The following SLC44A5 variants were observed in gnomAD, a reference collection of about 807,000 sequenced individuals.
SLC44A5 encodes solute carrier family 44 member 5, also known as choline transporter-like protein 5.
In SLC44A5, 57 loss-of-function variants were observed where a neutral mutation model predicts 101.8. The ratio of observed to expected loss-of-function variants is 0.56; its 90% confidence interval spans 0.45 to 0.70. The LOEUF is 0.70. SLC44A5 is among the 30% of genes least tolerant of loss of function. The pLI, the probability that SLC44A5 is intolerant of heterozygous loss-of-function variation, is 0.00. For synonymous variants in SLC44A5, 281 were observed against 290.9 expected (o/e 0.97, Z 0.35); for missense variants, 737 against 853.1 (o/e 0.86, Z 1.70).
the SLC44A5 span, among the ~76,000 whole-genome samples, chr1:75,634,777 C>G: frequency 1.5e-4 from 23 of 151,926 alleles, no homozygotes; most frequent in East Asian, 2.7e-3. Context: ...TCTAAAACAC[C>G]AAAAGCAATG....
chr1:75,252,008 T>A (rs1410476242), intron 6 of SLC44A5, among the ~76,000 whole-genome samples: 2 of 152,188 alleles, frequency 1.3e-5, no homozygotes, highest in Non-Finnish European at 2.9e-5. Context: ...TGGGAGGGCC[T>A]AAGATAATGC....
chr1:75,575,028 AT>A (rs1475650244), intron 1 of SLC44A5, among the ~76,000 whole-genome samples: 1 of 152,234 alleles, frequency 6.6e-6, no homozygotes, highest in East Asian at 1.9e-4. Context: ...TATCACTCCT[AT>A]TTTCTAGAGG....
intron 3 of SLC44A5, among the ~76,000 whole-genome samples, chr1:75,356,585 A>G (rs763736381): frequency 8.5e-5 from 13 of 152,102 alleles, no homozygotes; most frequent in Non-Finnish European, 1.8e-4. Context: ...TTAATTTATT[A>G]TATATTATAC....
chr1:75,665,903 C>T, the SLC44A5 span, among the ~76,000 whole-genome samples: 2 of 152,048 alleles, frequency 1.3e-5, no homozygotes, highest in Non-Finnish European at 1.5e-5. Flanking sequence ...AAATGCACAT[C>T]AAAACCACAA....
intron 3 of SLC44A5, among the ~76,000 whole-genome samples, chr1:75,376,728 G>C (rs1660648266): frequency 6.6e-6 from 1 of 152,052 alleles, no homozygotes; most frequent in Admixed American, 6.6e-5. Context: ...CAAAGATGGG[G>C]AAAAAACAGA....
intron 5 of SLC44A5, among the ~76,000 whole-genome samples, chr1:75,281,564 A>C (rs1652557249): frequency 6.8e-6 from 1 of 146,576 alleles, no homozygotes; most frequent in African/African-American, 2.5e-5. Flanking sequence ...CATGTCAAAG[A>C]CTTGAAAGGC....
chr1:75,340,662 T>C (rs938842504), intron 3 of SLC44A5, among the ~76,000 whole-genome samples: 4 of 152,200 alleles, frequency 2.6e-5, no homozygotes, highest in Admixed American at 2.6e-4. Context: ...TCTTTAGTAG[T>C]GACATTTCTT....
intron 5 of SLC44A5, among the ~76,000 whole-genome samples, chr1:75,285,911 G>A (rs2100800481): frequency 6.6e-6 from 1 of 152,186 alleles, no homozygotes; most frequent in Non-Finnish European, 1.5e-5. Flanking sequence ...CTTGGAGAAT[G>A]TTCCATGTGC....
the SLC44A5 span, among the ~76,000 whole-genome samples, chr1:75,658,570 T>C: frequency 0.26 from 39,275 of 152,008 alleles, 5,424 homozygotes; most frequent in Middle Eastern, 0.36. Context: ...ACAACATTTC[T>C]TGAGACAAAT....
intron 4 of SLC44A5, among the ~76,000 whole-genome samples, chr1:75,316,963 G>A (rs1363183117): frequency 6.6e-6 from 1 of 152,138 alleles, no homozygotes; most frequent in Non-Finnish European, 1.5e-5. Flanking sequence ...AGCAATCAGA[G>A]GGCAAATCAT....
At chr1:75,376,890 G>A (rs1342018224) in intron 3 of SLC44A5, among the ~76,000 whole-genome samples, 5 of 152,072 alleles carry the variant, frequency 3.3e-5, no homozygotes, top group Admixed American at 6.5e-5. Flanking sequence ...AGCTACGGGA[G>A]GACATTCAAA....
intron 2 of SLC44A5, among the ~76,000 whole-genome samples, chr1:75,428,244 T>A (rs1339334669): frequency 6.6e-6 from 1 of 152,234 alleles, no homozygotes. Context: ...GCATGGCAAT[T>A]ATCTGGATAT....
intron 4 of SLC44A5, among the ~76,000 whole-genome samples, chr1:75,314,848 A>G (rs1256810787): frequency 6.6e-6 from 1 of 152,196 alleles, no homozygotes; most frequent in East Asian, 1.9e-4. Flanking sequence ...GAGTTTTCCT[A>G]GAAGAATAAA....
the SLC44A5 span, among the ~76,000 whole-genome samples, chr1:75,616,140 G>T: frequency 6.6e-6 from 1 of 151,622 alleles, no homozygotes; most frequent in Non-Finnish European, 1.5e-5. Context: ...TGGCTGCTGC[G>T]GCGGCGGCGG....
chr1:75,383,093 G>A (rs1212737571), intron 3 of SLC44A5, among the ~76,000 whole-genome samples: 2 of 12,872 alleles, frequency 1.6e-4, no homozygotes, highest in African/African-American at 3.7e-4. Flanking sequence ...TGGGACCTGC[G>A]GGCAGCAATA....
intron 3 of SLC44A5, among the ~76,000 whole-genome samples, chr1:75,346,777 A>T (rs1287619681): frequency 6.6e-6 from 1 of 152,154 alleles, no homozygotes; most frequent in Admixed American, 6.6e-5. Flanking sequence ...CTCAAAAAAA[A>T]AGACCTATGA....
chr1:75,419,071 A>G (rs1184135669), intron 2 of SLC44A5, among the ~76,000 whole-genome samples: 1 of 152,182 alleles, frequency 6.6e-6, no homozygotes, highest in Admixed American at 6.5e-5. Context: ...GGAGACAGAG[A>G]TCAGAGTTTG....
the SLC44A5 span, among the ~76,000 whole-genome samples, chr1:75,711,786 A>G: frequency 6.6e-6 from 1 of 152,184 alleles, no homozygotes; most frequent in South Asian, 2.1e-4. Context: ...GACTTTGTGA[A>G]ATCATGCTGG....
the SLC44A5 span, among the ~76,000 whole-genome samples, chr1:75,688,227 A>G: frequency 6.6e-6 from 1 of 152,228 alleles, no homozygotes; most frequent in African/African-American, 2.4e-5. Flanking sequence ...TAGGAGCACT[A>G]TAACTTTTCC....
Sources: gnomAD v4.1 joint callset for allele counts (sites outside exome capture counted in the v4.1 genomes callset) on GRCh38, gnomAD v4.1.1 for gene constraint, MANE v1.5 for transcripts, NCBI Gene and HGNC (gene_info 2026-07-23, HGNC 2026-07-21) for gene names.